TMEM178A: variants seen among roughly 807,000 people sequenced by gnomAD.
TMEM178A encodes transmembrane protein 178.
Under a neutral mutation model 29.1 loss-of-function variants are expected in TMEM178A, and 12 were observed. That is an observed-to-expected ratio of 0.41 (90% CI 0.26 to 0.67). The LOEUF (loss-of-function observed/expected upper bound fraction) is 0.67. Among genes scored for constraint, TMEM178A ranks in the 30% least tolerant of loss-of-function variants. The probability of loss-of-function intolerance (pLI) is 0.29; values close to 1 mark genes in which losing one functional copy is unlikely to be tolerated. For missense variants in TMEM178A, 366 were observed against 419.1 expected (o/e 0.87, Z 1.11); for synonymous variants, 210 against 187.2 (o/e 1.12, Z -0.99).
At position 39,704,121 on chromosome 2, in the gene TMEM178A, T is replaced by C. The variant is rs1671923243; in HGVS notation, c.441T>C (p.Ser147=). The change falls in exon 2 of 4, where the codon TCT becomes TCC. Residue 147 remains serine (S), a synonymous_variant. Coordinates refer to ENST00000281961, the MANE Select transcript of TMEM178A (RefSeq NM_152390.3). ...GCACGGCCATCAAGTACCACTTTTC[T>C]CAGCCCATCCGCTTGCGAAACATTC... The part of the protein sequence containing the change: ...QRCTAIKYHF[S]QPIRLRNIPF... 1 of 1,614,074 alleles carries C rather than the reference T, an allele frequency of 6.2e-7. No individual in the cohort carries two copies. Among genetic ancestry groups the C allele is most frequent in the Admixed American group, 1.7e-5 (1 of 60,002 alleles).
In TMEM178A at chr2:39,672,821, G is replaced by A. The variant is rs143750356; in HGVS notation, c.400+6447G>A. Among the ~76,000 whole-genome samples the A allele has an allele frequency of 2.3e-3, 357 of 152,316 alleles. 4 individuals are homozygous for A. Among genetic ancestry groups the A allele is most frequent in the African/African-American group, 8.1e-3 (336 of 41,566 alleles). On this transcript the variant is annotated intron_variant, in intron 1 of 3. Coordinates refer to ENST00000281961, the MANE Select transcript of TMEM178A (RefSeq NM_152390.3). ...CAAAGTGTTGGGATTACAGGTGTGA[G>A]CCACTGGGTTTCCCTCACCCAGCGA...
the TMEM178A span, among the ~76,000 whole-genome samples, chr2:39,730,547 G>A: frequency 1.3e-5 from 2 of 152,150 alleles, no homozygotes; most frequent in Admixed American, 1.3e-4. Context: ...TTCCCCTAGT[G>A]AAAGCTCCTT....
intron 3 of TMEM178A, among the ~76,000 whole-genome samples, chr2:39,715,470 C>G (rs1449084979): frequency 6.6e-6 from 1 of 152,024 alleles, no homozygotes; most frequent in Admixed American, 6.5e-5. Flanking sequence ...GTGGAGTATT[C>G]TTTTTTGAAT....
chr2:39,700,322 T>C (rs1671726883), intron 1 of TMEM178A, among the ~76,000 whole-genome samples: 1 of 152,222 alleles, frequency 6.6e-6, no homozygotes, highest in African/African-American at 2.4e-5. Context: ...TTCAATTCTG[T>C]CAGTTTTTGG....
At chr2:39,712,814 T>C (rs150850908) in intron 3 of TMEM178A, among the ~76,000 whole-genome samples, 134 of 152,316 alleles carry the variant, frequency 8.8e-4, no homozygotes, top group African/African-American at 3.0e-3. Context: ...CCATTAGATT[T>C]TGAACTTTCT....
the TMEM178A span, among the ~76,000 whole-genome samples, chr2:39,728,095 G>C: frequency 6.6e-6 from 1 of 152,264 alleles, no homozygotes; most frequent in Admixed American, 6.5e-5. Flanking sequence ...GGATTGCTGG[G>C]TCAAATGGTA....
At chr2:39,713,169 C>T (rs550787482) in intron 3 of TMEM178A, among the ~76,000 whole-genome samples, 3 of 152,182 alleles carry the variant, frequency 2.0e-5, no homozygotes, top group Non-Finnish European at 4.4e-5. Context: ...CAATGTTGAA[C>T]TGAGTCCAAT....
At chr2:39,702,858 C>G (rs963349061) in intron 1 of TMEM178A, among the ~76,000 whole-genome samples, 5 of 152,130 alleles carry the variant, frequency 3.3e-5, no homozygotes, top group Admixed American at 6.6e-5. Context: ...CTGGCTCCAT[C>G]TCAAAACTTT....
the TMEM178A span, among the ~76,000 whole-genome samples, chr2:39,733,654 C>T: frequency 0.084 from 12,857 of 152,160 alleles, 1,841 homozygotes; most frequent in African/African-American, 0.29. Flanking sequence ...CCAATATTTT[C>T]ACTAAGATTG....
chr2:39,710,881 T>A (rs1672271342), intron 3 of TMEM178A, among the ~76,000 whole-genome samples: 1 of 152,240 alleles, frequency 6.6e-6, no homozygotes, highest in Non-Finnish European at 1.5e-5. Flanking sequence ...ACAGGTTGGC[T>A]GGTTAAAATG....
At chr2:39,733,980 T>C in the TMEM178A span, among the ~76,000 whole-genome samples, 1 of 151,954 alleles carries the variant, frequency 6.6e-6, no homozygotes, top group African/African-American at 2.4e-5. Context: ...TCGTCTTTCC[T>C]GGAATTCTCT....
chr2:39,668,929 C>T (rs560600372), intron 1 of TMEM178A, among the ~76,000 whole-genome samples: 4 of 152,278 alleles, frequency 2.6e-5, no homozygotes, highest in South Asian at 4.1e-4. Context: ...AACATTATCA[C>T]CTTTGTTTTG....
chr2:39,682,251 G>A (rs192861329), intron 1 of TMEM178A, among the ~76,000 whole-genome samples: 126 of 152,230 alleles, frequency 8.3e-4, no homozygotes, highest in Admixed American at 3.9e-3. Context: ...AACAGAGAGC[G>A]CTAATTTTAA....
At chr2:39,685,928 AG>A (rs1168881937) in intron 1 of TMEM178A, among the ~76,000 whole-genome samples, 1 of 152,206 alleles carries the variant, frequency 6.6e-6, no homozygotes, top group South Asian at 2.1e-4. Context: ...TGTGTGTCTC[AG>A]GAAGTGTTTT....
At chr2:39,700,435 C>T (rs1368316462) in intron 1 of TMEM178A, among the ~76,000 whole-genome samples, 1 of 151,796 alleles carries the variant, frequency 6.6e-6, no homozygotes, top group Non-Finnish European at 1.5e-5. Context: ...CTTTTTTTCT[C>T]TCTGGTAACA....
intron 2 of TMEM178A, among the ~76,000 whole-genome samples, chr2:39,704,629 T>C (rs949951518): frequency 5.3e-5 from 8 of 152,218 alleles, no homozygotes; most frequent in Non-Finnish European, 1.0e-4. Context: ...TTTATGAGTG[T>C]ATGTCATAAT....
At chr2:39,680,865 T>C (rs974579583) in intron 1 of TMEM178A, among the ~76,000 whole-genome samples, 10 of 152,218 alleles carry the variant, frequency 6.6e-5, no homozygotes, top group Non-Finnish European at 1.5e-5. Context: ...ATAATTGTGC[T>C]TCATTTTATT....
At chr2:39,674,114 A>G (rs1214009179) in intron 1 of TMEM178A, among the ~76,000 whole-genome samples, 1 of 152,232 alleles carries the variant, frequency 6.6e-6, no homozygotes, top group Non-Finnish European at 1.5e-5. Context: ...GCTACAACTT[A>G]CAAGTATTGG....
chr2:39,733,140 G>A, the TMEM178A span, among the ~76,000 whole-genome samples: 2 of 152,176 alleles, frequency 1.3e-5, no homozygotes, highest in African/African-American at 4.8e-5. Flanking sequence ...TTGTCACTGA[G>A]AAAGTTGAAG....
Sources: gnomAD v4.1 joint callset for allele counts (sites outside exome capture counted in the v4.1 genomes callset) on GRCh38, gnomAD v4.1.1 for gene constraint, MANE v1.5 for transcripts, NCBI Gene and HGNC (gene_info 2026-07-23, HGNC 2026-07-21) for gene names.